The following SETBP1 variants were observed in gnomAD, a reference collection of about 807,000 sequenced individuals.
The protein encoded by SETBP1 is SET binding protein 1.
A neutral mutation model predicts 101.0 loss-of-function variants in SETBP1; 9 were observed. That is an observed-to-expected ratio of 0.09 (90% CI 0.05 to 0.16). The LOEUF is 0.16. SETBP1 is among the 10% of genes least tolerant of loss of function. The pLI, the probability that SETBP1 is intolerant of heterozygous loss-of-function variation, is 1.00. For missense variants in SETBP1, 1,858 were observed against 2,033.8 expected, an observed-to-expected ratio of 0.91 and a Z score of 1.66; for synonymous variants, 818 against 788.5, an observed-to-expected ratio of 1.04 and a Z score of -0.63.
rs145468016 is a variant in SETBP1, at chr18:44,860,265, G to A, written c.487-8965G>A. Among the ~76,000 whole-genome samples, 136 of 152,186 alleles carry A rather than the reference G, an allele frequency of 8.9e-4. 2 individuals are homozygous for A. The East Asian group carries it at 0.021, about 24-fold the overall frequency. On this transcript the variant is annotated intron_variant, in intron 2 of 5. Coordinates refer to ENST00000649279, the MANE Select transcript of SETBP1 (RefSeq NM_015559.3). The stretch of plus-strand genomic sequence containing the variant: ...GAATCCTCCTTTATTGGCTTTTTAC[G>A]GACTTTGGAAACAGCCCACAGATGC...
At chr18:44,918,380 A>G (rs547375231) in intron 3 of SETBP1, among the ~76,000 whole-genome samples, 2 of 152,352 alleles carry the variant, frequency 1.3e-5, no homozygotes, top group African/African-American at 4.8e-5. Flanking sequence ...GGCCTTCTCC[A>G]TGAAAGGCTT....
At chr18:45,035,531 C>T (rs2073379263) in intron 4 of SETBP1, among the ~76,000 whole-genome samples, 1 of 152,152 alleles carries the variant, frequency 6.6e-6, no homozygotes, top group African/African-American at 2.4e-5. Context: ...TGGACTGAGA[C>T]TAATTTGGAT....
chr18:44,885,857 C>CAAAAAAAAAAAAAAAA (rs1555696149), intron 3 of SETBP1, among the ~76,000 whole-genome samples: 5 of 78,170 alleles, frequency 6.4e-5, no homozygotes, highest in Non-Finnish European at 9.5e-5. Flanking sequence ...AAAAAAAAAA[C>CAAAAAAAAAAAAAAAA]AAAAAAAAAA....
chr18:44,724,766 C>T (rs1004114907), intron 2 of SETBP1, among the ~76,000 whole-genome samples: 3 of 152,134 alleles, frequency 2.0e-5, no homozygotes, highest in Admixed American at 6.5e-5. Context: ...GAAATATTTG[C>T]TGAAGGCTGA....
At chr18:44,720,905 C>CG (rs1369484038) in intron 2 of SETBP1, among the ~76,000 whole-genome samples, 60 of 94,014 alleles carry the variant, frequency 6.4e-4, no homozygotes, top group African/African-American at 2.3e-3. Context: ...CCTCCAACCC[C>CG]CACCCCCCAC....
intron 2 of SETBP1, among the ~76,000 whole-genome samples, chr18:44,711,510 T>G (rs1162901080): frequency 3.4e-5 from 5 of 146,746 alleles, no homozygotes; most frequent in Non-Finnish European, 7.5e-5. Flanking sequence ...TCTCCCTTTC[T>G]TTCTTTCTTT....
At chr18:44,804,117 G>A (rs1300924069) in intron 2 of SETBP1, among the ~76,000 whole-genome samples, 1 of 152,108 alleles carries the variant, frequency 6.6e-6, no homozygotes, top group Non-Finnish European at 1.5e-5. Flanking sequence ...TGAAAAAAGA[G>A]AGGCACTTGA....
intron 3 of SETBP1, among the ~76,000 whole-genome samples, chr18:44,899,377 T>C (rs1175972145): frequency 6.6e-6 from 1 of 152,126 alleles, no homozygotes; most frequent in Non-Finnish European, 1.5e-5. Context: ...TAACCGGGGA[T>C]TGCAAGGGGT....
chr18:44,692,355 A>C (rs1260558326), intron 1 of SETBP1, among the ~76,000 whole-genome samples: 1 of 152,260 alleles, frequency 6.6e-6, no homozygotes, highest in African/African-American at 2.4e-5. Flanking sequence ...TGAAAAGATT[A>C]AAAATGTTTC....
intron 2 of SETBP1, among the ~76,000 whole-genome samples, chr18:44,751,216 G>A (rs1183777766): frequency 6.6e-6 from 1 of 152,206 alleles, no homozygotes; most frequent in Non-Finnish European, 1.5e-5. Flanking sequence ...AGTTAAACAT[G>A]CTTTCCACAT....
intron 1 of SETBP1, among the ~76,000 whole-genome samples, chr18:44,695,841 A>G (rs1200959817): frequency 6.6e-6 from 1 of 151,936 alleles, no homozygotes; most frequent in Non-Finnish European, 1.5e-5. Context: ...AAGCTAGTGA[A>G]GTAGGCTGGG....
At chr18:44,925,118 T>C (rs1218684337) in intron 3 of SETBP1, among the ~76,000 whole-genome samples, 12 of 150,890 alleles carry the variant, frequency 8.0e-5, no homozygotes, top group Admixed American at 8.0e-4. Context: ...TTTTTTTTTT[T>C]AAACCACAGC....
chr18:44,741,929 AGCCCTG>A (rs2070107864), intron 2 of SETBP1, among the ~76,000 whole-genome samples: 1 of 152,160 alleles, frequency 6.6e-6, no homozygotes, highest in African/African-American at 2.4e-5. Context: ...GCTGCTACTC[AGCCCTG>A]GAAATGTTCT....
chr18:44,949,873 A>G lies in SETBP1; in HGVS notation c.541-8A>G, dbSNP rs748086291. On this transcript the variant is annotated splice_region_variant and splice_polypyrimidine_tract_variant and intron_variant, in intron 3 of 5. Transcript: ENST00000649279. ...GTCTCTCTCCCTCTCCACTCCACCCACCCTTAGGCTTACGAGAGGCCCCAG... is the reference window on the plus strand; with the variant it reads ...GTCTCTCTCCCTCTCCACTCCACCCGCCCTTAGGCTTACGAGAGGCCCCAG... 5.5e-5 allele frequency: 88 copies of G among 1,609,168 alleles called. No individual in the cohort carries two copies. Among genetic ancestry groups the G allele is most frequent in the Non-Finnish European group, 6.1e-5 (72 of 1,177,444 alleles).
At chr18:44,963,010 C>T (rs2071644120) in intron 4 of SETBP1, among the ~76,000 whole-genome samples, 1 of 152,158 alleles carries the variant, frequency 6.6e-6, no homozygotes, top group African/African-American at 2.4e-5. Context: ...TCTTCAAAAT[C>T]CAGTGGGGTC....
intron 2 of SETBP1, among the ~76,000 whole-genome samples, chr18:44,737,411 G>A (rs1311129378): frequency 6.6e-6 from 1 of 152,170 alleles, no homozygotes; most frequent in Non-Finnish European, 1.5e-5. Context: ...TAGACTCATA[G>A]GCTGGCTACA....
rs1161525214 is a variant in SETBP1, at chr18:44,952,091, C to T, written c.2751C>T (p.His917=). The T allele has an allele frequency of 1.2e-6, 2 of 1,614,100 alleles. No homozygotes were observed. The highest frequency in any genetic ancestry group is 1.7e-6 in the Non-Finnish European group (2 of 1,180,034). ...CCAGCACAAAGAACCGGCATGGCCACCGGCAAAAGCATCTCATTGTGGACA... is the reference window on the plus strand; with the variant it reads ...CCAGCACAAAGAACCGGCATGGCCATCGGCAAAAGCATCTCATTGTGGACA... ...SDTSTKNRHG[H]RQKHLIVDNF... is the part of the protein sequence containing the mutation. Residue 917 remains histidine (H), a synonymous_variant, in exon 4 of 6, where the codon CAC becomes CAT. Coordinates refer to ENST00000649279, the MANE Select transcript of SETBP1 (RefSeq NM_015559.3).
chr18:44,730,969 A>G (rs1295281235), intron 2 of SETBP1, among the ~76,000 whole-genome samples: 1 of 152,184 alleles, frequency 6.6e-6, no homozygotes, highest in East Asian at 1.9e-4. Context: ...AGTGGCTGTG[A>G]TAGTGTGACA....
At chr18:44,829,868 T>C (rs1392532445) in intron 2 of SETBP1, among the ~76,000 whole-genome samples, 2 of 152,212 alleles carry the variant, frequency 1.3e-5, no homozygotes, top group African/African-American at 2.4e-5. Context: ...ATCCACATTA[T>C]TTACCATTGC....
Sources: allele counts gnomAD v4.1 joint callset (sites outside exome capture counted in the v4.1 genomes callset), GRCh38; gene constraint gnomAD v4.1.1; transcripts MANE v1.5; gene names NCBI Gene and HGNC (gene_info 2026-07-23, HGNC 2026-07-21).